Variants in PDE6D observed in about 807,000 individuals in gnomAD.
PDE6D encodes the protein phosphodiesterase 6D.
In PDE6D, 10 loss-of-function variants were observed where a neutral mutation model predicts 21.9. The observed-to-expected ratio is 0.46, with a 90% CI of 0.28 to 0.78. PDE6D has a LOEUF of 0.78. Among genes scored for constraint, PDE6D ranks in the 30% least tolerant of loss-of-function variants. PDE6D has a pLI of 0.12. For synonymous variants in PDE6D, 59 were observed against 63.5 expected (o/e 0.93, Z 0.34); for missense variants, 139 against 184.8 (o/e 0.75, Z 1.44).
chr2:231,750,431 T>C (rs2106270322), intron 1 of PDE6D, among the ~76,000 whole-genome samples: 1 of 152,116 alleles, frequency 6.6e-6, no homozygotes. Context: ...TGATAAAATT[T>C]ATGGTCTTAG....
chr2:231,771,372 A>G (rs1049568408), intron 1 of PDE6D, among the ~76,000 whole-genome samples: 1 of 152,234 alleles, frequency 6.6e-6, no homozygotes, highest in Non-Finnish European at 1.5e-5. Context: ...GACTTTTAAA[A>G]AGACAAAACA....
chr2:231,751,491 CTCAT>C (rs1255027474), intron 1 of PDE6D, among the ~76,000 whole-genome samples: 1 of 152,134 alleles, frequency 6.6e-6, no homozygotes, highest in African/African-American at 2.4e-5. Flanking sequence ...TAGTAGAGTT[CTCAT>C]TTATTGCACA....
At chr2:231,759,596 AT>A (rs1428942150) in intron 1 of PDE6D, among the ~76,000 whole-genome samples, 2 of 152,168 alleles carry the variant, frequency 1.3e-5, no homozygotes, top group African/African-American at 4.8e-5. Context: ...CTATAAAGGG[AT>A]CTGTGGAATC....
In PDE6D at chr2:231,768,429, C is replaced by CGTACAT. The variant is rs150406239; in HGVS notation, c.50+12630_50+12635dup. Among the ~76,000 whole-genome samples the CGTACAT allele has an allele frequency of 3.8e-3, 580 of 152,138 alleles. 3 individuals carry two copies. The highest frequency in any genetic ancestry group is 0.013 in the African/African-American group (550 of 41,506). Reference sequence around the variant, plus strand: ...TTGTTGAGATGGAGTCTCCCTCTGTCGTACATGCTGGAGTGCGGTGGCGTG... The same window carrying CGTACAT: ...TTGTTGAGATGGAGTCTCCCTCTGTCGTACATGTACATGCTGGAGTGCGGTGGCGTG... On this transcript the variant is annotated intron_variant, in intron 1 of 4. Coordinates refer to ENST00000287600, the MANE Select transcript of PDE6D (RefSeq NM_002601.4).
intron 1 of PDE6D, among the ~76,000 whole-genome samples, chr2:231,771,719 C>T: frequency 6.6e-6 from 1 of 152,182 alleles, no homozygotes; most frequent in East Asian, 1.9e-4. Context: ...TACTGAGTGT[C>T]TCAGAGTTGT....
At chr2:231,763,430 T>C (rs2048947298) in intron 1 of PDE6D, among the ~76,000 whole-genome samples, 1 of 152,120 alleles carries the variant, frequency 6.6e-6, no homozygotes, top group Admixed American at 6.6e-5. Context: ...TGAGGTACTG[T>C]GTATCAGGTG....
intron 1 of PDE6D, among the ~76,000 whole-genome samples, chr2:231,751,167 T>C (rs13405908): frequency 6.6e-6 from 1 of 151,800 alleles, no homozygotes; most frequent in African/African-American, 2.4e-5. Flanking sequence ...AGTTTTTTTC[T>C]TTTTTTTGAG....
intron 4 of PDE6D, among the ~76,000 whole-genome samples, chr2:231,733,691 C>A (rs1290959867): frequency 7.2e-6 from 1 of 138,782 alleles, no homozygotes; most frequent in Non-Finnish European, 1.6e-5. Flanking sequence ...ATCTTCCAAG[C>A]CGCCCAGCTC....
chr2:231,742,501 T>A (rs2048758574), intron 1 of PDE6D, among the ~76,000 whole-genome samples: 1 of 152,200 alleles, frequency 6.6e-6, no homozygotes, highest in African/African-American at 2.4e-5. Flanking sequence ...TGCTAAGGTT[T>A]TTTTTGTTTT....
At chr2:231,735,242 A>C (rs1202112616) in intron 4 of PDE6D, among the ~76,000 whole-genome samples, 1 of 68,430 alleles carries the variant, frequency 1.5e-5, no homozygotes, top group African/African-American at 4.9e-5. Flanking sequence ...ACTCCATATC[A>C]AAAAAAAAAA....
At chr2:231,747,464 TACAACA>T (rs1186959656) in intron 1 of PDE6D, among the ~76,000 whole-genome samples, 1 of 152,250 alleles carries the variant, frequency 6.6e-6, no homozygotes, top group Admixed American at 6.5e-5. Context: ...TAAAATGTGC[TACAACA>T]GTCCTTGGCA....
At chr2:231,771,080 AT>A (rs778060007) in intron 1 of PDE6D, among the ~76,000 whole-genome samples, 352 of 142,328 alleles carry the variant, frequency 2.5e-3, no homozygotes, top group Middle Eastern at 3.8e-3. Flanking sequence ...GAGCTGAGAA[AT>A]TTTTTTTTTT....
At chr2:231,775,488 T>G (rs998157201) in intron 1 of PDE6D, among the ~76,000 whole-genome samples, 9 of 137,114 alleles carry the variant, frequency 6.6e-5, no homozygotes, top group East Asian at 2.2e-4. Flanking sequence ...TTTGTGTGTG[T>G]TTTTTTTTTT....
intron 1 of PDE6D, among the ~76,000 whole-genome samples, chr2:231,755,514 G>C (rs1448720135): frequency 6.6e-6 from 1 of 152,056 alleles, no homozygotes; most frequent in Admixed American, 6.5e-5. Flanking sequence ...ATCACTTGAG[G>C]TCAGGAGTTC....
At chr2:231,735,302 ATT>A (rs576327627) in intron 4 of PDE6D, among the ~76,000 whole-genome samples, 3 of 132,024 alleles carry the variant, frequency 2.3e-5, no homozygotes, top group African/African-American at 2.8e-5. Context: ...TTCTATTACA[ATT>A]TTTTTTTTTT....
Position 231,781,206 on chromosome 2 carries a change from C to G in PDE6D, c.-92G>C. ...AGCCGAGGATGGAGCCGCAGCCCGG[C>G]TTGGAGACCTCGGGCTAGCAGCCGC... On this transcript the variant is annotated 5_prime_UTR_variant, in exon 1 of 5. Transcript: ENST00000287600. 7.8e-7 allele frequency: 1 copy of G among 1,278,690 alleles called. No homozygotes were observed. The highest frequency in any genetic ancestry group is 1.1e-6 in the Non-Finnish European group (1 of 888,484). 79.2% of individuals were successfully genotyped at this position (1,278,690 alleles called of 1,614,324 possible). A position where few individuals can be genotyped will look rare whatever the true frequency, so the allele number is the denominator to read the frequency against.
At chr2:231,743,695 G>C (rs1222136929) in intron 1 of PDE6D, among the ~76,000 whole-genome samples, 2 of 149,372 alleles carry the variant, frequency 1.3e-5, no homozygotes, top group East Asian at 3.9e-4. Flanking sequence ...CCTTCCTCTG[G>C]TTCATATTTT....
rs574373947 is a variant in PDE6D at position 231,755,828 on chromosome 2, G to A, written c.51-16640C>T. On this transcript the variant is annotated intron_variant, in intron 1 of 4. Coordinates refer to ENST00000287600, the MANE Select transcript of PDE6D (RefSeq NM_002601.4). ...CCAGCTACTTAGGAGGCTGAGGCAGGAGAACCACTTGAACTTCGGAGGCAG... is the reference window on the plus strand; with the variant it reads ...CCAGCTACTTAGGAGGCTGAGGCAGAAGAACCACTTGAACTTCGGAGGCAG... Among the ~76,000 whole-genome samples the A allele has an allele frequency of 1.6e-4, 25 of 152,250 alleles. 1 individual carries two copies. The South Asian group carries it at 5.0e-3, about 30-fold the overall frequency.
Position 231,781,232 on chromosome 2 carries a change from A to C in PDE6D, c.-118T>G, listed in dbSNP as rs993391794. ...TTGGAGACCTCGGGCTAGCAGCCGC[A>C]GCGGCCAGACCAGGACCGGCCTCTC... On this transcript the variant is annotated 5_prime_UTR_variant, in exon 1 of 5. Transcript: ENST00000287600. 6.4e-6 allele frequency: 6 copies of C among 941,826 alleles called. No homozygotes were observed. Among genetic ancestry groups the C allele is most frequent in the Non-Finnish European group, 8.4e-6 (5 of 596,842 alleles). The allele number at this position is 941,826 out of a possible 1,614,324, so 58.3% of individuals were successfully genotyped here. A position where few individuals can be genotyped will look rare whatever the true frequency, so the allele number is the denominator to read the frequency against.
Sources: gnomAD v4.1 joint callset for allele counts (sites outside exome capture counted in the v4.1 genomes callset) on GRCh38, gnomAD v4.1.1 for gene constraint, MANE v1.5 for transcripts, NCBI Gene and HGNC (gene_info 2026-07-23, HGNC 2026-07-21) for gene names.